OVCH1: variants seen among roughly 807,000 people sequenced by gnomAD.
OVCH1 encodes the protein ovochymase-1.
A neutral mutation model predicts 138.4 loss-of-function variants in OVCH1; 139 were observed. The ratio of observed to expected loss-of-function variants is 1.00; its 90% confidence interval spans 0.87 to 1.16. OVCH1 has a LOEUF of 1.16. OVCH1 is among the 50% of genes most tolerant of loss of function. The pLI, the probability that OVCH1 is intolerant of heterozygous loss-of-function variation, is 0.00. For synonymous variants in OVCH1, 453 were observed against 467.8 expected (o/e 0.97, Z 0.41); for missense variants, 1,367 against 1,357.9 (o/e 1.01, Z -0.11).
At chr12:29,413,159 C>A (rs2135871750) in intron 3 of OVCH1, among the ~76,000 whole-genome samples, 1 of 152,058 alleles carries the variant, frequency 6.6e-6, no homozygotes, top group South Asian at 2.1e-4. Context: ...CTGCACCTGG[C>A]AAACATTACT....
At chr12:29,446,208 C>A (rs1017271772) in intron 22 of OVCH1, among the ~76,000 whole-genome samples, 1 of 151,998 alleles carries the variant, frequency 6.6e-6, no homozygotes, top group Middle Eastern at 3.4e-3. Flanking sequence ...TCCTCAGAAC[C>A]AAGATGACTC....
At chr12:29,461,454 T>C (rs1308267654) in intron 19 of OVCH1, among the ~76,000 whole-genome samples, 1 of 152,220 alleles carries the variant, frequency 6.6e-6, no homozygotes, top group African/African-American at 2.4e-5. Context: ...CAGAGATTAA[T>C]GATAATTTAA....
intron 3 of OVCH1, among the ~76,000 whole-genome samples, chr12:29,416,329 A>G (rs1592021930): frequency 6.6e-6 from 1 of 152,170 alleles, no homozygotes; most frequent in East Asian, 1.9e-4. Flanking sequence ...ATCTAAATTA[A>G]AAGTTTTGCC....
intron 25 of OVCH1, among the ~76,000 whole-genome samples, chr12:29,439,908 T>C (rs1474118477): frequency 1.3e-5 from 2 of 152,322 alleles, no homozygotes; most frequent in South Asian, 2.1e-4. Context: ...CAATGAAAGA[T>C]GTATAGGGCA....
chr12:29,436,979 C>A (rs971020466), intron 26 of OVCH1, among the ~76,000 whole-genome samples: 1 of 152,198 alleles, frequency 6.6e-6, no homozygotes, highest in African/African-American at 2.4e-5. Context: ...TGGCCCCGCC[C>A]ACATCCTGCT....
chr12:29,415,123 A>G (rs1237443468), intron 3 of OVCH1, among the ~76,000 whole-genome samples: 1 of 152,220 alleles, frequency 6.6e-6, no homozygotes, highest in East Asian at 1.9e-4. Context: ...ACAGTTATAG[A>G]TAAGTTACTA....
chr12:29,436,586 G>C (rs913201374), intron 26 of OVCH1, among the ~76,000 whole-genome samples: 1 of 152,244 alleles, frequency 6.6e-6, no homozygotes, highest in African/African-American at 2.4e-5. Flanking sequence ...CATTTGCGGC[G>C]AGTGTTACAG....
At chr12:29,442,824 G>T (rs370036844) in intron 25 of OVCH1, among the ~76,000 whole-genome samples, 38 of 151,726 alleles carry the variant, frequency 2.5e-4, no homozygotes, top group African/African-American at 8.9e-4. Flanking sequence ...AGGAAATTCT[G>T]CCATCAAAGA....
At chr12:29,472,979 T>A (rs748141497) in intron 15 of OVCH1, 50 bp downstream of exon 15, 11 of 1,481,034 alleles carry the variant, frequency 7.4e-6, no homozygotes, top group Non-Finnish European at 1.0e-5. Context: ...GACATCTAGT[T>A]AATGAAGAAA....
chr12:29,455,310 C>T lies in OVCH1; in HGVS notation c.2376G>A (p.Trp792Ter). The change falls in exon 20 of 28, where the codon TGG (tryptophan) becomes TGA (stop). Residue 792 changes from tryptophan (W) to a stop codon, truncating the protein, a stop_gained. Coordinates refer to ENST00000318184, the Ensembl canonical transcript of OVCH1. LOFTEE classifies it high-confidence loss of function. ...TCACTCTGGCAAATACACCCGGCTT[C>T]CATGGCTGGACACAGCCAGCTCCCC... 6.2e-7 allele frequency: 1 copy of T among 1,613,904 alleles called. No individual in the cohort carries two copies. The highest frequency in any genetic ancestry group is 1.3e-5 in the African/African-American group (1 of 75,042).
intron 27 of OVCH1, among the ~76,000 whole-genome samples, chr12:29,428,952 T>G (rs1941223780): frequency 6.6e-6 from 1 of 152,200 alleles, no homozygotes; most frequent in Non-Finnish European, 1.5e-5. Flanking sequence ...TTCTAAAGAT[T>G]ATTCAAGCTT....
chr12:29,475,094 C>T, exon 14 of OVCH1: 1 of 1,581,550 alleles, frequency 6.3e-7, no homozygotes. Flanking sequence ...GCCTTGAAGC[C>T]TTGTAAACGA....
exon 26 of OVCH1, chr12:29,439,358 T>A: frequency 6.3e-7 from 1 of 1,581,860 alleles, no homozygotes; most frequent in Admixed American, 1.8e-5. Context: ...GCATGATATA[T>A]GTGTTAATAA....
chr12:29,422,754 T>C (rs1369900), downstream of OVCH1, among the ~76,000 whole-genome samples: 46,366 of 152,056 alleles, frequency 0.3, 8,522 homozygotes, highest in Middle Eastern at 0.51. Context: ...ATCTATTCTC[T>C]TCTGGGAACT....
At chr12:29,497,410 A>G (rs1187492272) in intron 1 of OVCH1, among the ~76,000 whole-genome samples, 1 of 152,164 alleles carries the variant, frequency 6.6e-6, no homozygotes, top group African/African-American at 2.4e-5. Flanking sequence ...CCTACAAACG[A>G]ACTCTAAAAT....
intron 3 of OVCH1, among the ~76,000 whole-genome samples, chr12:29,495,848 A>G (rs924434097): frequency 6.6e-6 from 1 of 152,092 alleles, no homozygotes; most frequent in African/African-American, 2.4e-5. Context: ...TTTCCCTCCT[A>G]ATGATTTAAA....
At chr12:29,477,195 T>G in exon 12 of OVCH1, 1 of 1,613,824 alleles carries the variant, frequency 6.2e-7, no homozygotes. Flanking sequence ...GATTTGTCCC[T>G]TCTTCTACCA....
At chr12:29,450,711 G>A (rs911879670) in intron 22 of OVCH1, among the ~76,000 whole-genome samples, 5 of 152,068 alleles carry the variant, frequency 3.3e-5, no homozygotes, top group Non-Finnish European at 7.4e-5. Flanking sequence ...AAAGACACAT[G>A]CACATGTATG....
At chr12:29,472,277 T>G (rs1046026364) in intron 15 of OVCH1, among the ~76,000 whole-genome samples, 7 of 152,214 alleles carry the variant, frequency 4.6e-5, no homozygotes, top group African/African-American at 1.7e-4. Flanking sequence ...GATATATTAT[T>G]GGTGGAATAG....
Sources: allele counts gnomAD v4.1 joint callset (sites outside exome capture counted in the v4.1 genomes callset), GRCh38; gene constraint gnomAD v4.1.1; transcripts MANE v1.5; gene names NCBI Gene and HGNC (gene_info 2026-07-23, HGNC 2026-07-21).